The following PTGER3 variants were observed in gnomAD, a reference collection of about 807,000 sequenced individuals.
PTGER3 encodes prostaglandin E receptor 3.
A neutral mutation model predicts 34.7 loss-of-function variants in PTGER3; 22 were observed. The observed-to-expected ratio is 0.63, with a 90% CI of 0.45 to 0.91. PTGER3 has a LOEUF of 0.91. Ranked by LOEUF, PTGER3 falls within the 40% of genes least tolerant of loss-of-function variation. The pLI is 0.00. For synonymous variants in PTGER3, 241 were observed against 230.1 expected, an observed-to-expected ratio of 1.05 and a Z score of -0.43; for missense variants, 468 against 519.4, an observed-to-expected ratio of 0.90 and a Z score of 0.96.
intron 4 of PTGER3, among the ~76,000 whole-genome samples, chr1:70,928,868 T>TACAC (rs34765576): frequency 0.052 from 7,687 of 147,196 alleles, 263 homozygotes; most frequent in Admixed American, 0.11. Context: ...AATTTACAGA[T>TACAC]ACACACACAC....
At chr1:71,002,567 AAT>A (rs1196148439) in intron 2 of PTGER3, among the ~76,000 whole-genome samples, 8 of 152,358 alleles carry the variant, frequency 5.3e-5, no homozygotes, top group Admixed American at 5.2e-4. Context: ...TTGGATTATT[AAT>A]AGTCTGAATG....
chr1:70,863,690 G>A (rs1645978107), intron 4 of PTGER3, among the ~76,000 whole-genome samples: 1 of 140,754 alleles, frequency 7.1e-6, no homozygotes. Context: ...TATAGCAAAT[G>A]GATTTTTTTT....
chr1:70,919,615 A>G (rs2100434796), intron 4 of PTGER3, among the ~76,000 whole-genome samples: 1 of 152,330 alleles, frequency 6.6e-6, no homozygotes, highest in East Asian at 1.9e-4. Flanking sequence ...AGTGACTAAA[A>G]TTCAGTCTGT....
chr1:70,854,496 G>A (rs1645756359), intron 4 of PTGER3, among the ~76,000 whole-genome samples: 1 of 152,134 alleles, frequency 6.6e-6, no homozygotes, highest in Non-Finnish European at 1.5e-5. Context: ...ACATGTCAGA[G>A]GAGGGGCCTG....
intron 4 of PTGER3, among the ~76,000 whole-genome samples, chr1:70,900,816 C>T (rs6659643): frequency 0.047 from 7,105 of 152,220 alleles, 241 homozygotes; most frequent in Non-Finnish European, 0.07. Context: ...GATCATAATG[C>T]ATGAACCAAT....
At chr1:71,015,797 CTG>C (rs906013352) in intron 1 of PTGER3, among the ~76,000 whole-genome samples, 2 of 152,190 alleles carry the variant, frequency 1.3e-5, no homozygotes, top group Non-Finnish European at 2.9e-5. Context: ...TCTTACAAGA[CTG>C]TGTGACACTG....
chr1:70,987,154 C>G (rs1320457254), intron 2 of PTGER3, among the ~76,000 whole-genome samples: 1 of 152,122 alleles, frequency 6.6e-6, no homozygotes, highest in African/African-American at 2.4e-5. Context: ...TGGTTCTCCC[C>G]TTTATAAATC....
intron 2 of PTGER3, among the ~76,000 whole-genome samples, chr1:70,999,783 C>T (rs1267773260): frequency 2.6e-5 from 4 of 152,102 alleles, no homozygotes; most frequent in Non-Finnish European, 5.9e-5. Flanking sequence ...TCTTAGTAAC[C>T]CAAATTGTGA....
intron 4 of PTGER3, among the ~76,000 whole-genome samples, chr1:70,909,103 G>A (rs1354783875): frequency 6.6e-6 from 1 of 152,108 alleles, no homozygotes; most frequent in African/African-American, 2.4e-5. Context: ...ATAGGAGGAT[G>A]GTTACATAAA....
intron 4 of PTGER3, among the ~76,000 whole-genome samples, chr1:70,859,937 A>G (rs573366338): frequency 1.6e-4 from 24 of 152,260 alleles, no homozygotes; most frequent in Non-Finnish European, 4.4e-5. Context: ...GAGCAAAGAA[A>G]GAAGTAATGA....
At chr1:70,956,679 G>A (rs939660620) in intron 2 of PTGER3, among the ~76,000 whole-genome samples, 1 of 152,134 alleles carries the variant, frequency 6.6e-6, no homozygotes, top group Non-Finnish European at 1.5e-5. Context: ...TACCAGCAGA[G>A]GCAGTTGACC....
rs145692335 is a variant in PTGER3, at chr1:70,943,913, G to A, written c.*23+9850C>T. On this transcript the variant is annotated intron_variant, in intron 4 of 4. Transcript: ENST00000370931. The stretch of plus-strand genomic sequence containing the variant: ...CAGTTAATTTTCATTTTCTCATTTC[G>A]GTTCCTTATGAGGCCTATGGCACTC... 8.0e-3 allele frequency among the ~76,000 whole-genome samples: 1,204 copies of A among 149,808 alleles called. 16 individuals carry two copies. Among genetic ancestry groups the A allele is most frequent in the African/African-American group, 0.028 (1,156 of 40,636 alleles).
intron 4 of PTGER3, among the ~76,000 whole-genome samples, chr1:70,870,923 C>T (rs563079620): frequency 1.3e-5 from 2 of 152,292 alleles, no homozygotes; most frequent in East Asian, 1.9e-4. Context: ...ATCTTCCTGT[C>T]GTCTTCTTCT....
At chr1:71,023,722 CTG>C (rs2100912439) in intron 1 of PTGER3, among the ~76,000 whole-genome samples, 1 of 152,000 alleles carries the variant, frequency 6.6e-6, no homozygotes, top group Admixed American at 6.5e-5. Flanking sequence ...ATTCATTTCT[CTG>C]TGTGTCTTTC....
At chr1:70,903,216 T>C (rs1487450063) in intron 4 of PTGER3, among the ~76,000 whole-genome samples, 1 of 152,192 alleles carries the variant, frequency 6.6e-6, no homozygotes, top group African/African-American at 2.4e-5. Flanking sequence ...AATTCTCTTC[T>C]AGAGCCTTCA....
intron 4 of PTGER3, among the ~76,000 whole-genome samples, chr1:70,874,823 T>G (rs182305603): frequency 2.3e-3 from 337 of 145,340 alleles, no homozygotes; most frequent in African/African-American, 7.9e-3. Context: ...TCATTTTATG[T>G]TTTTTTTTTA....
chr1:71,035,026 A>C (rs1243949796), intron 1 of PTGER3, among the ~76,000 whole-genome samples: 1 of 152,190 alleles, frequency 6.6e-6, no homozygotes, highest in Non-Finnish European at 1.5e-5. Context: ...GGCTCTAAGA[A>C]AATTCCTAGA....
chr1:70,873,579 C>T (rs1375554668), intron 4 of PTGER3, among the ~76,000 whole-genome samples: 2 of 146,216 alleles, frequency 1.4e-5, no homozygotes, highest in East Asian at 2.0e-4. Flanking sequence ...TTTTAATTTT[C>T]ATAGGTTTTT....
chr1:71,010,333 C>T, intron 2 of PTGER3: 1 of 984,750 alleles, frequency 1.0e-6, no homozygotes, highest in Non-Finnish European at 1.2e-6. Context: ...CTTTATCAGC[C>T]TGATGGACTG....
Sources: allele counts gnomAD v4.1 joint callset (sites outside exome capture counted in the v4.1 genomes callset), GRCh38; gene constraint gnomAD v4.1.1; transcripts MANE v1.5; gene names NCBI Gene and HGNC (gene_info 2026-07-23, HGNC 2026-07-21).